The following KLHL1 variants were observed in gnomAD, a reference collection of about 807,000 sequenced individuals.
KLHL1 encodes kelch like family member 1.
In KLHL1, 47 loss-of-function variants were observed where a neutral mutation model predicts 77.7. That is an observed-to-expected ratio of 0.60 (90% CI 0.48 to 0.77). The LOEUF is 0.77. Ranked by LOEUF, KLHL1 falls within the 30% of genes least tolerant of loss-of-function variation. The pLI is 0.00. For missense variants in KLHL1, 925 were observed against 910.8 expected, an observed-to-expected ratio of 1.02 and a Z score of -0.20; for synonymous variants, 360 against 325.2, an observed-to-expected ratio of 1.11 and a Z score of -1.15.
intron 4 of KLHL1, among the ~76,000 whole-genome samples, chr13:69,909,535 A>T (rs1249300227): frequency 6.6e-6 from 1 of 151,352 alleles, no homozygotes; most frequent in African/African-American, 2.4e-5. Flanking sequence ...TTTGGGGATA[A>T]TTTTTTTTTA....
At chr13:70,061,840 A>G (rs1453207639) in intron 1 of KLHL1, among the ~76,000 whole-genome samples, 1 of 152,054 alleles carries the variant, frequency 6.6e-6, no homozygotes, top group African/African-American at 2.4e-5. Context: ...GTACATATTT[A>G]TTGGCTAGAG....
At chr13:69,758,753 A>G (rs12429783) in intron 7 of KLHL1, among the ~76,000 whole-genome samples, 17,584 of 152,090 alleles carry the variant, frequency 0.12, 1,267 homozygotes, top group African/African-American at 0.19. Flanking sequence ...TTGTTTACTG[A>G]CAGATCTAAT....
intron 7 of KLHL1, among the ~76,000 whole-genome samples, chr13:69,769,375 G>A (rs111486246): frequency 6.6e-6 from 1 of 152,088 alleles, no homozygotes; most frequent in Non-Finnish European, 1.5e-5. Context: ...GCAGAGTTTA[G>A]GATAGCATAA....
At chr13:69,724,975 G>A (rs530529523) in intron 8 of KLHL1, among the ~76,000 whole-genome samples, 47 of 152,230 alleles carry the variant, frequency 3.1e-4, no homozygotes, top group Admixed American at 2.1e-3. Context: ...CCTCACCAGC[G>A]TGATTTGGAG....
At chr13:69,916,036 T>C (rs1452976081) in intron 4 of KLHL1, among the ~76,000 whole-genome samples, 1 of 152,026 alleles carries the variant, frequency 6.6e-6, no homozygotes, top group Non-Finnish European at 1.5e-5. Context: ...AAAACCACAA[T>C]GAGATACCAT....
At chr13:70,072,302 T>A (rs1470743600) in intron 1 of KLHL1, among the ~76,000 whole-genome samples, 1 of 152,154 alleles carries the variant, frequency 6.6e-6, no homozygotes, top group Non-Finnish European at 1.5e-5. Context: ...AACTAATAAC[T>A]TTCCAAAATG....
chr13:69,745,049 T>C (rs182408506), intron 7 of KLHL1, among the ~76,000 whole-genome samples: 15 of 152,132 alleles, frequency 9.9e-5, no homozygotes, highest in Admixed American at 1.3e-4. Context: ...CAGGTTTTTT[T>C]TTTAACCAAT....
chr13:70,087,524 A>C (rs1280615932), intron 1 of KLHL1, among the ~76,000 whole-genome samples: 1 of 151,194 alleles, frequency 6.6e-6, no homozygotes, highest in Non-Finnish European at 1.5e-5. Flanking sequence ...GCACAGATGA[A>C]AAGATTTTTA....
chr13:69,834,242 A>T (rs1878890566), intron 6 of KLHL1, among the ~76,000 whole-genome samples: 1 of 152,038 alleles, frequency 6.6e-6, no homozygotes, highest in African/African-American at 2.4e-5. Flanking sequence ...TATTGAAATT[A>T]AATAAATAAG....
chr13:69,932,155 G>T lies in KLHL1; in HGVS notation c.1014+7885C>A, dbSNP rs542885148. Among the ~76,000 whole-genome samples, 196 of 151,654 alleles carry T rather than the reference G, an allele frequency of 1.3e-3. 1 individual carries two copies. The highest frequency in any genetic ancestry group is 4.6e-3 in the African/African-American group (190 of 41,452). Reference sequence around the variant, plus strand: ...TGCTATACTAAGCATTAAGAATATGGCTGTGAACTGGACAGCTGTGTGTTG... The same window carrying T: ...TGCTATACTAAGCATTAAGAATATGTCTGTGAACTGGACAGCTGTGTGTTG... On this transcript the variant is annotated intron_variant, in intron 4 of 10. Coordinates refer to ENST00000377844, the MANE Select transcript of KLHL1 (RefSeq NM_020866.3).
intron 1 of KLHL1, among the ~76,000 whole-genome samples, chr13:69,999,990 A>G (rs1885247302): frequency 6.6e-6 from 1 of 151,918 alleles, no homozygotes; most frequent in Non-Finnish European, 1.5e-5. Context: ...GGTCATGGGG[A>G]CACATTCCTC....
At chr13:69,874,677 G>A (rs1880703081) in intron 5 of KLHL1, among the ~76,000 whole-genome samples, 1 of 152,028 alleles carries the variant, frequency 6.6e-6, no homozygotes, top group Non-Finnish European at 1.5e-5. Flanking sequence ...CTTGCACTTT[G>A]TGTCCTCTTG....
intron 4 of KLHL1, among the ~76,000 whole-genome samples, chr13:69,934,020 A>G (rs897689833): frequency 6.6e-6 from 1 of 152,134 alleles, no homozygotes; most frequent in Non-Finnish European, 1.5e-5. Context: ...ATCCCATTCT[A>G]GCATGTCTAT....
chr13:69,863,581 T>A (rs1217599774), intron 5 of KLHL1, among the ~76,000 whole-genome samples: 2 of 151,876 alleles, frequency 1.3e-5, no homozygotes, highest in East Asian at 1.9e-4. Context: ...AATTTATGAT[T>A]TTTTTTTGCT....
chr13:69,762,116 T>A (rs568337126), intron 7 of KLHL1, among the ~76,000 whole-genome samples: 93 of 152,194 alleles, frequency 6.1e-4, no homozygotes, highest in Non-Finnish European at 1.1e-3. Flanking sequence ...TATCAGAAAA[T>A]ACGTTTCCCT....
chr13:69,787,253 C>T (rs147944783), intron 7 of KLHL1, among the ~76,000 whole-genome samples: 5,500 of 152,214 alleles, frequency 0.036, 125 homozygotes, highest in Middle Eastern at 0.068. Context: ...TACCTGACTT[C>T]AAACTATACT....
Position 69,958,765 on chromosome 13 carries a change from T to A in KLHL1, c.817+2543A>T, listed in dbSNP as rs145086788. On this transcript the variant is annotated intron_variant, in intron 3 of 10. Coordinates refer to ENST00000377844, the MANE Select transcript of KLHL1 (RefSeq NM_020866.3). ...AAAAAAAAAAATACATATTATCAAA[T>A]GGCTGGACTTTTACATCTATTCCCA... Among the ~76,000 whole-genome samples the A allele has an allele frequency of 8.5e-3, 1,289 of 151,968 alleles. 20 individuals carry two copies. The highest frequency in any genetic ancestry group is 0.03 in the African/African-American group (1,248 of 41,488).
intron 5 of KLHL1, among the ~76,000 whole-genome samples, chr13:69,852,357 G>A (rs1383129764): frequency 2.0e-5 from 3 of 151,854 alleles, no homozygotes; most frequent in African/African-American, 7.2e-5. Context: ...TCGGATGGTA[G>A]GATGGTCCCA....
At chr13:70,027,963 A>G in intron 1 of KLHL1, among the ~76,000 whole-genome samples, 1 of 152,278 alleles carries the variant, frequency 6.6e-6, no homozygotes, top group Non-Finnish European at 1.5e-5. Flanking sequence ...GGCCAAACAT[A>G]TTTAATGAAT....
Sources: allele counts gnomAD v4.1 joint callset (sites outside exome capture counted in the v4.1 genomes callset), GRCh38; gene constraint gnomAD v4.1.1; transcripts MANE v1.5; gene names NCBI Gene and HGNC (gene_info 2026-07-23, HGNC 2026-07-21).